Variants in ERICH6B observed in about 807,000 individuals in gnomAD.
ERICH6B encodes the protein glutamate rich 6B.
Under a neutral mutation model 80.0 loss-of-function variants are expected in ERICH6B, and 69 were observed. That is an observed-to-expected ratio of 0.86 (90% CI 0.71 to 1.05). ERICH6B has a LOEUF of 1.05. Among genes scored for constraint, ERICH6B ranks in the 50% least tolerant of loss-of-function variants. The pLI is 0.00. For synonymous variants in ERICH6B, 283 were observed against 291.9 expected (o/e 0.97, Z 0.31); for missense variants, 754 against 796.1 (o/e 0.95, Z 0.64).
Position 45,568,306 on chromosome 13 carries a change from G to A in ERICH6B, c.1187+9C>T. 1.3e-6 allele frequency: 2 copies of A among 1,536,408 alleles called. No individual in the cohort carries two copies. The highest frequency in any genetic ancestry group is 4.1e-5 in the Admixed American group (2 of 48,678). ...ACTGACCAATCACTTGGCCTCACCA[G>A]TTACTTACATAATTACCAGTTTCCA... On this transcript the variant is annotated intron_variant, in intron 9 of 14. Transcript: ENST00000298738.
chr13:45,586,433 C>T (rs1041600112), intron 5 of ERICH6B, among the ~76,000 whole-genome samples: 6 of 152,142 alleles, frequency 3.9e-5, no homozygotes, highest in Non-Finnish European at 7.4e-5. Flanking sequence ...AAATGCTATT[C>T]GGTCTTCCAC....
intron 2 of ERICH6B, among the ~76,000 whole-genome samples, chr13:45,602,260 C>T (rs1288168889): frequency 2.0e-5 from 3 of 152,118 alleles, no homozygotes; most frequent in South Asian, 2.1e-4. Flanking sequence ...CCTGGGAAAG[C>T]GGCCTGACTT....
At chr13:45,542,745 A>T (rs1455308233) in intron 14 of ERICH6B, among the ~76,000 whole-genome samples, 3 of 152,180 alleles carry the variant, frequency 2.0e-5, no homozygotes. Flanking sequence ...GCTCTGAGAA[A>T]TCCAGGATAG....
intron 5 of ERICH6B, among the ~76,000 whole-genome samples, chr13:45,583,888 G>T (rs1875782877): frequency 6.6e-6 from 1 of 152,102 alleles, no homozygotes; most frequent in Non-Finnish European, 1.5e-5. Context: ...GTCTTTATCA[G>T]CAGCATGAAA....
chr13:45,599,403 G>T (rs1432228783), intron 2 of ERICH6B, among the ~76,000 whole-genome samples: 1 of 152,148 alleles, frequency 6.6e-6, no homozygotes, highest in African/African-American at 2.4e-5. Context: ...AACAAATTTA[G>T]TTATTAATTG....
chr13:45,545,721 G>A (rs1435342895), intron 13 of ERICH6B, among the ~76,000 whole-genome samples: 2 of 152,332 alleles, frequency 1.3e-5, no homozygotes, highest in East Asian at 1.9e-4. Flanking sequence ...CAGCCCCAGA[G>A]CTGCAGCTTC....
chr13:45,609,788 G>T (rs1423293016), intron 1 of ERICH6B, among the ~76,000 whole-genome samples: 1 of 152,170 alleles, frequency 6.6e-6, no homozygotes, highest in Non-Finnish European at 1.5e-5. Flanking sequence ...ACTTAATGAT[G>T]GGGATACGCT....
At position 45,550,404 on chromosome 13, in the gene ERICH6B, G is replaced by A. The variant is rs1014632845; in HGVS notation, c.1408-88C>T. 7 of 1,114,516 alleles carry A rather than the reference G, an allele frequency of 6.3e-6. No individual in the cohort carries two copies. The African/African-American group carries it at 9.4e-5, about 15-fold the overall frequency. The allele number at this position is 1,114,516 out of a possible 1,614,324, so 69.0% of individuals were successfully genotyped here. A position where few individuals can be genotyped will look rare whatever the true frequency, so the allele number is the denominator to read the frequency against. ...GCAGAGCACGGTGTGGACCCCATCT[G>A]CTTGCTCTCCGATGCCACGTGCTAC... On this transcript the variant is annotated intron_variant, in intron 11 of 14. Transcript: ENST00000298738.
intron 14 of ERICH6B, 106 bp from the exon 15 acceptor site, chr13:45,541,786 T>G (rs1873790950): frequency 1.0e-6 from 1 of 994,004 alleles, no homozygotes; most frequent in East Asian, 2.6e-5. Flanking sequence ...TCCCTGAGCC[T>G]TCACTCGAGA....
At position 45,557,304 on chromosome 13, in the gene ERICH6B, G is replaced by C. The variant is rs141469465; in HGVS notation, c.1407+4065C>G. Among the ~76,000 whole-genome samples, 1,242 of 151,998 alleles carry C rather than the reference G, an allele frequency of 8.2e-3. 17 individuals carry two copies. Among genetic ancestry groups the C allele is most frequent in the African/African-American group, 0.028 (1,160 of 41,466 alleles). ...ATTTTTTTTTCTTGCTAATTTGTTT[G>C]AGTTTGTTGTAGATTCTGGATATTA... On this transcript the variant is annotated intron_variant, in intron 11 of 14. Transcript: ENST00000298738.
intron 14 of ERICH6B, among the ~76,000 whole-genome samples, chr13:45,542,076 G>A (rs532046231): frequency 1.3e-5 from 2 of 152,266 alleles, no homozygotes; most frequent in South Asian, 4.1e-4. Flanking sequence ...CGTGAGCCCC[G>A]CCTCCACCTT....
chr13:45,543,829 AGTTT>A (rs900486849), intron 14 of ERICH6B, among the ~76,000 whole-genome samples: 22 of 151,986 alleles, frequency 1.4e-4, no homozygotes, highest in Non-Finnish European at 2.4e-4. Context: ...TCTAGAGAAG[AGTTT>A]GTTTGAGGAG....
At chr13:45,554,632 C>T (rs1874361660) in intron 11 of ERICH6B, among the ~76,000 whole-genome samples, 1 of 152,252 alleles carries the variant, frequency 6.6e-6, no homozygotes, top group Non-Finnish European at 1.5e-5. Context: ...GGCACATGTT[C>T]TCTCACTGGG....
At chr13:45,586,976 C>T in intron 5 of ERICH6B, 87 bp downstream of exon 5, 2 of 1,373,944 alleles carry the variant, frequency 1.5e-6, no homozygotes, top group Non-Finnish European at 9.8e-7. Context: ...AATACTCGAG[C>T]CACAATATTT....
chr13:45,563,147 C>CCTTTTG (rs1874760940), intron 10 of ERICH6B, among the ~76,000 whole-genome samples: 1 of 152,124 alleles, frequency 6.6e-6, no homozygotes, highest in South Asian at 2.1e-4. Flanking sequence ...ACACCAAATG[C>CCTTTTG]CTTTGGTCTC....
chr13:45,595,074 A>G (rs899565871), intron 3 of ERICH6B, among the ~76,000 whole-genome samples: 1 of 152,212 alleles, frequency 6.6e-6, no homozygotes, highest in African/African-American at 2.4e-5. Flanking sequence ...AAATCACTCC[A>G]AAGTCAAATA....
intron 4 of ERICH6B, 53 bp downstream of exon 4, chr13:45,590,596 A>C (rs892573538): frequency 1.1e-5 from 16 of 1,504,974 alleles, no homozygotes; most frequent in Non-Finnish European, 1.4e-5. Flanking sequence ...CTGCTGAAAC[A>C]TTGTCCCCAA....
chr13:45,604,902 A>G (rs1398989091), intron 2 of ERICH6B, among the ~76,000 whole-genome samples: 2 of 152,128 alleles, frequency 1.3e-5, no homozygotes, highest in African/African-American at 4.8e-5. Context: ...TGGTTTCGAG[A>G]CCCTGTCTCA....
intron 3 of ERICH6B, among the ~76,000 whole-genome samples, chr13:45,595,382 A>C: frequency 6.6e-6 from 1 of 152,308 alleles, no homozygotes; most frequent in South Asian, 2.1e-4. Context: ...ATATAATATT[A>C]AATGATATTC....
Sources: allele counts gnomAD v4.1 joint callset (sites outside exome capture counted in the v4.1 genomes callset), GRCh38; gene constraint gnomAD v4.1.1; transcripts MANE v1.5; gene names NCBI Gene and HGNC (gene_info 2026-07-23, HGNC 2026-07-21).